EYS: variants seen among roughly 807,000 people sequenced by gnomAD.
The protein encoded by EYS is EGF-like photoreceptor maintenance factor, also known as protein eyes shut homolog.
EYS carries 250 observed loss-of-function variants against 282.1 expected under a neutral mutation model. That is an observed-to-expected ratio of 0.89 (90% CI 0.80 to 0.98). EYS has a LOEUF of 0.98. Among genes scored for constraint, EYS ranks in the 50% least tolerant of loss-of-function variants. The pLI, the probability that EYS is intolerant of heterozygous loss-of-function variation, is 0.00. For missense variants in EYS, 4,016 were observed against 3,709.0 expected, an observed-to-expected ratio of 1.08 and a Z score of -2.15; for synonymous variants, 1,355 against 1,282.9, an observed-to-expected ratio of 1.06 and a Z score of -1.20.
chr6:64,738,904 C>T (rs933463263), intron 22 of EYS, among the ~76,000 whole-genome samples: 3 of 152,118 alleles, frequency 2.0e-5, no homozygotes, highest in Admixed American at 1.3e-4. Flanking sequence ...ATTACAGATG[C>T]CTGCCACCAC....
At chr6:63,767,787 A>G (rs1038853511) in intron 40 of EYS, among the ~76,000 whole-genome samples, 3 of 152,174 alleles carry the variant, frequency 2.0e-5, no homozygotes, top group Admixed American at 6.6e-5. Flanking sequence ...AGCAAAAAGA[A>G]CAAGGCCGGA....
intron 14 of EYS, among the ~76,000 whole-genome samples, chr6:64,971,006 G>T (rs1770274635): frequency 6.6e-6 from 1 of 152,070 alleles, no homozygotes. Flanking sequence ...ATTCAGGATT[G>T]CTCTAAGGAA....
At chr6:65,606,591 T>C (rs1765803827) in intron 2 of EYS, among the ~76,000 whole-genome samples, 2 of 151,948 alleles carry the variant, frequency 1.3e-5, no homozygotes, top group East Asian at 3.9e-4. Flanking sequence ...TAATTACTCT[T>C]AGCCTTCAGG....
At chr6:65,107,283 A>G (rs1321925) in intron 12 of EYS, among the ~76,000 whole-genome samples, 81,509 of 149,624 alleles carry the variant, frequency 0.54, 22,991 homozygotes, top group African/African-American at 0.67. Context: ...AATCTTCAAG[A>G]GTCTGGGTTG....
intron 42 of EYS, among the ~76,000 whole-genome samples, chr6:63,722,990 G>A (rs138825666): frequency 3.9e-4 from 59 of 152,290 alleles, no homozygotes; most frequent in African/African-American, 1.4e-3. Context: ...ATGAGAACAG[G>A]GTCTGTGTTT....
At chr6:65,186,677 A>G (rs547334092) in intron 12 of EYS, among the ~76,000 whole-genome samples, 21 of 151,922 alleles carry the variant, frequency 1.4e-4, no homozygotes, top group African/African-American at 4.8e-4. Flanking sequence ...TTAAAACATT[A>G]CAATTCATGG....
At chr6:65,381,840 T>C (rs1013990973) in intron 8 of EYS, among the ~76,000 whole-genome samples, 2 of 152,016 alleles carry the variant, frequency 1.3e-5, no homozygotes, top group African/African-American at 4.8e-5. Flanking sequence ...ATTAATTTCT[T>C]AATTTTAAGA....
At chr6:64,442,248 G>C (rs576166015) in intron 26 of EYS, among the ~76,000 whole-genome samples, 1 of 152,254 alleles carries the variant, frequency 6.6e-6, no homozygotes, top group African/African-American at 2.4e-5. Flanking sequence ...CCAGAGAATT[G>C]TAGAACTTTG....
chr6:65,582,127 C>T (rs11962013), intron 2 of EYS, among the ~76,000 whole-genome samples: 1,632 of 151,544 alleles, frequency 0.011, 23 homozygotes, highest in African/African-American at 0.025. Context: ...ACCCAGGAGG[C>T]GGAGGTTGCA....
rs1119577 is a variant in EYS, at chr6:63,844,067, A to T, written c.7228+20119T>A. ...TCCCCTCCCTGTGTCCATGTGTTCT[A>T]GTCATTCAGTTCCCACTTGTAAATG... On this transcript the variant is annotated intron_variant, in intron 36 of 42. Coordinates refer to ENST00000503581, the MANE Select transcript of EYS (RefSeq NM_001142800.2). 4.6e-5 allele frequency among the ~76,000 whole-genome samples: 7 copies of T among 152,282 alleles called. No homozygotes were observed. In the South Asian group the frequency reaches 1.2e-3, roughly 27 times the overall value.
chr6:63,763,870 TTATA>T (rs55668347), intron 40 of EYS, among the ~76,000 whole-genome samples: 21,577 of 129,496 alleles, frequency 0.17, 2,359 homozygotes, highest in African/African-American at 0.33. Context: ...TTATATCTTG[TTATA>T]TATATATATA....
chr6:64,081,191 G>C (rs1046196671), intron 32 of EYS, among the ~76,000 whole-genome samples: 1 of 152,120 alleles, frequency 6.6e-6, no homozygotes, highest in Non-Finnish European at 1.5e-5. Flanking sequence ...CCAATATGAG[G>C]AATTGTTAAA....
intron 13 of EYS, among the ~76,000 whole-genome samples, chr6:65,023,229 AATTAT>A (rs1425835389): frequency 6.6e-6 from 1 of 152,078 alleles, no homozygotes; most frequent in Non-Finnish European, 1.5e-5. Flanking sequence ...TTATCTTTTT[AATTAT>A]ATTAACTGCG....
At chr6:65,169,541 CA>C (rs1765055106) in intron 12 of EYS, among the ~76,000 whole-genome samples, 1 of 151,130 alleles carries the variant, frequency 6.6e-6, no homozygotes, top group Non-Finnish European at 1.5e-5. Flanking sequence ...CAGATAAAGC[CA>C]AAATAAATCA....
At chr6:64,584,199 A>C (rs2149826570) in intron 26 of EYS, among the ~76,000 whole-genome samples, 1 of 152,116 alleles carries the variant, frequency 6.6e-6, no homozygotes, top group South Asian at 2.1e-4. Context: ...AGCATGTAAA[A>C]AATAAAAGTA....
rs58522364 is a variant in EYS, at chr6:65,397,583, GGTGTGTGTGTGTGTGTGTGTGTGT to G, written c.1184+4871_1184+4894del. Among the ~76,000 whole-genome samples, 17 of 138,286 alleles carry G rather than the reference GGTGTGTGTGTGTGTGTGTGTGTGT, an allele frequency of 1.2e-4. 1 individual carries two copies. Among genetic ancestry groups the G allele is most frequent in the African/African-American group, 3.8e-4 (14 of 36,834 alleles). The allele number at this position is 138,286 out of a possible 152,430, so 90.7% of individuals were successfully genotyped here. A position where few individuals can be genotyped will look rare whatever the true frequency, so the allele number is the denominator to read the frequency against. On this transcript the variant is annotated intron_variant, in intron 7 of 42. Coordinates refer to ENST00000503581, the MANE Select transcript of EYS (RefSeq NM_001142800.2). Reference sequence around the variant, plus strand: ...TTTGGGTGGCTAAGTTGTATTTCATGGTGTGTGTGTGTGTGTGTGTGTGTGTGTGTGTGTGTGTGTGTGTGTGTA... The same window carrying G: ...TTTGGGTGGCTAAGTTGTATTTCATGGTGTGTGTGTGTGTGTGTGTGTGTA...
chr6:65,449,476 T>C (rs1289048087), intron 5 of EYS, among the ~76,000 whole-genome samples: 2 of 152,096 alleles, frequency 1.3e-5, no homozygotes, highest in African/African-American at 2.4e-5. Context: ...TATTGAAATC[T>C]GTACAATTGA....
intron 21 of EYS, among the ~76,000 whole-genome samples, chr6:64,816,157 C>A (rs1046188504): frequency 3.3e-5 from 5 of 152,096 alleles, no homozygotes; most frequent in Non-Finnish European, 5.9e-5. Flanking sequence ...ACAGAGAGAA[C>A]TACTATTTGA....
At chr6:65,331,605 G>A in intron 11 of EYS, 1 of 977,526 alleles carries the variant, frequency 1.0e-6, no homozygotes. Flanking sequence ...AAGATTCTCT[G>A]GATATCAAAA....
Sources: allele counts gnomAD v4.1 joint callset (sites outside exome capture counted in the v4.1 genomes callset), GRCh38; gene constraint gnomAD v4.1.1; transcripts MANE v1.5; gene names NCBI Gene and HGNC (gene_info 2026-07-23, HGNC 2026-07-21).